Variants in FBXO31 observed in about 807,000 individuals in gnomAD.
The protein encoded by FBXO31 is F-box only protein 31.
A neutral mutation model predicts 54.4 loss-of-function variants in FBXO31; 24 were observed. That is an observed-to-expected ratio of 0.44 (90% CI 0.32 to 0.62). The LOEUF (loss-of-function observed/expected upper bound fraction) is 0.62. Ranked by LOEUF, FBXO31 falls within the 20% of genes least tolerant of loss-of-function variation. The pLI, the probability that FBXO31 is intolerant of heterozygous loss-of-function variation, is 0.05. For missense variants in FBXO31, 665 were observed against 787.1 expected, an observed-to-expected ratio of 0.84 and a Z score of 1.86; for synonymous variants, 388 against 335.6, an observed-to-expected ratio of 1.16 and a Z score of -1.71.
At position 87,349,528 on chromosome 16, in the gene FBXO31, G is replaced by A. The variant is rs190559221; in HGVS notation, c.413-2278C>T. On this transcript the variant is annotated intron_variant, in intron 2 of 8. Coordinates refer to ENST00000311635, the MANE Select transcript of FBXO31 (RefSeq NM_024735.5). ...AGTTCGAGACCAGCCTGGCCAACAT[G>A]GTGAAACCCCGTCTCTACTTAAAAT... Among the ~76,000 whole-genome samples the A allele has an allele frequency of 3.1e-3, 479 of 152,260 alleles. 2 individuals are homozygous for A. Among genetic ancestry groups the A allele is most frequent in the African/African-American group, 0.011 (456 of 41,550 alleles).
chr16:87,351,576 G>C (rs114032880), intron 2 of FBXO31, among the ~76,000 whole-genome samples: 330 of 152,272 alleles, frequency 2.2e-3, no homozygotes, highest in African/African-American at 7.6e-3. Context: ...GAAATAGCAA[G>C]GGATAGGGCT....
chr16:87,350,817 C>T (rs1905620600), intron 2 of FBXO31, among the ~76,000 whole-genome samples: 2 of 152,350 alleles, frequency 1.3e-5, no homozygotes, highest in South Asian at 4.1e-4. Context: ...AATGAGCCTG[C>T]CTCAGACGCC....
chr16:87,342,867 G>C lies in FBXO31; in HGVS notation c.732+10C>G. ...CACCATATGAACACAGGGCCGGCTG[G>C]TGGGCTCACCTCCTGCCTCCCGCCG... On this transcript the variant is annotated intron_variant, in intron 5 of 8. Transcript: ENST00000311635. 1 of 1,593,304 alleles carries C rather than the reference G, an allele frequency of 6.3e-7. No homozygotes were observed.
chr16:87,342,458 C>A (rs1410102519), intron 5 of FBXO31, among the ~76,000 whole-genome samples: 2 of 152,162 alleles, frequency 1.3e-5, no homozygotes, highest in African/African-American at 4.8e-5. Context: ...CAGGCTTCCC[C>A]GCTGCACTGG....
In FBXO31 at chr16:87,346,888, C is replaced by T. The variant is rs868837120; in HGVS notation, c.489+286G>A. On this transcript the variant is annotated intron_variant, in intron 3 of 8. Coordinates refer to ENST00000311635, the MANE Select transcript of FBXO31 (RefSeq NM_024735.5). The surrounding 1 kb of genome is among the most constrained non-coding windows in gnomAD (Gnocchi z 4.2). ...GCTCCAGACCCCGCCAACATGTGCG[C>T]GATGGGCCTCAGCGTCCAGGAAGCA... 7.2e-5 allele frequency among the ~76,000 whole-genome samples: 11 copies of T among 152,198 alleles called. No individual in the cohort carries two copies. Among genetic ancestry groups the T allele is most frequent in the Admixed American group, 2.0e-4 (3 of 15,276 alleles).
rs147888885 is a variant in FBXO31, at chr16:87,345,720, C to G, written c.489+1454G>C. 2.0e-5 allele frequency among the ~76,000 whole-genome samples: 3 copies of G among 152,202 alleles called. No homozygotes were observed. The highest frequency in any genetic ancestry group is 4.4e-5 in the Non-Finnish European group (3 of 68,042). ...ACACATCAGAGAGCAATGAAGGTAG[C>G]CCAGTGACGAGGACCCAAGGCCCTG... On this transcript the variant is annotated intron_variant, in intron 3 of 8. Coordinates refer to ENST00000311635, the MANE Select transcript of FBXO31 (RefSeq NM_024735.5). This position sits in a 1 kb window ranked among gnomAD's most constrained non-coding sequence, Gnocchi z 4.9.
intron 1 of FBXO31, among the ~76,000 whole-genome samples, chr16:87,366,609 G>C (rs1244834661): frequency 6.6e-6 from 1 of 152,190 alleles, no homozygotes; most frequent in African/African-American, 2.4e-5. Flanking sequence ...GAGCAGGACT[G>C]GCTTTCAGGA....
chr16:87,364,809 C>T (rs554635815), intron 1 of FBXO31, among the ~76,000 whole-genome samples: 1 of 151,052 alleles, frequency 6.6e-6, no homozygotes, highest in African/African-American at 2.4e-5. Flanking sequence ...ATTACCTGAG[C>T]TCAGGAGTTA....
rs763695860 is a variant in FBXO31, at chr16:87,334,187, G to C, written c.1096C>G (p.Leu366Val). Residue 366 changes from leucine to valine, a missense_variant, in exon 8 of 9, where the codon CTC becomes GTC. Physicochemically the swap from Leu to Val is conservative, Grantham distance 32. Coordinates refer to ENST00000311635, the MANE Select transcript of FBXO31 (RefSeq NM_024735.5). ...CGCACCTCCAGGACGATGCGGGAGA[G>C]CTCATTGAAGTTGCGCTGGTTCTCG... is the stretch of plus-strand genomic sequence containing the variant. ...DLENQRNFNE[L>V]SRIVLEVRER... The C allele has an allele frequency of 1.2e-6, 2 of 1,612,694 alleles. No homozygotes were observed. The highest frequency in any genetic ancestry group is 1.7e-6 in the Non-Finnish European group (2 of 1,179,746).
rs376006383 is a variant in FBXO31 at position 87,341,443 on chromosome 16, G to A, written c.732+1434C>T. ...GGCCGAGATGGGTGGATCGCCTGAG[G>A]TCAGGAGTTCGAGACCAGCCTGGCC... On this transcript the variant is annotated intron_variant, in intron 5 of 8. Transcript: ENST00000311635. 1.7e-4 allele frequency among the ~76,000 whole-genome samples: 26 copies of A among 151,874 alleles called. No homozygotes were observed. In the East Asian group the frequency reaches 3.7e-3, roughly 22 times the overall value.
chr16:87,384,432 C>A (rs536176185), upstream of FBXO31, among the ~76,000 whole-genome samples: 2 of 152,152 alleles, frequency 1.3e-5, no homozygotes, highest in Admixed American at 1.3e-4. Context: ...CCCAAGAGAT[C>A]CGGGGATGCG....
intron 1 of FBXO31, among the ~76,000 whole-genome samples, chr16:87,366,187 G>T (rs929421556): frequency 6.6e-6 from 1 of 152,122 alleles, no homozygotes; most frequent in Non-Finnish European, 1.5e-5. Flanking sequence ...TGAAAACTGC[G>T]GAAATCTGAA....
chr16:87,351,233 A>T (rs1240053290), intron 2 of FBXO31, among the ~76,000 whole-genome samples: 1 of 152,212 alleles, frequency 6.6e-6, no homozygotes, highest in African/African-American at 2.4e-5. Context: ...GAATCCATGG[A>T]TTTCAATAGG....
chr16:87,342,041 G>A (rs142200272), intron 5 of FBXO31, among the ~76,000 whole-genome samples: 122 of 152,218 alleles, frequency 8.0e-4, no homozygotes, highest in African/African-American at 2.9e-3. Flanking sequence ...GCATAACCCC[G>A]TAGCATGGTA....
chr16:87,362,858 G>C (rs563184904), intron 1 of FBXO31, among the ~76,000 whole-genome samples: 7 of 152,196 alleles, frequency 4.6e-5, no homozygotes, highest in Non-Finnish European at 8.8e-5. Flanking sequence ...TGCATGGCCA[G>C]AGTTTAAACA....
rs1905386935 is a variant in FBXO31, at chr16:87,346,348, G to A, written c.489+826C>T. Among the ~76,000 whole-genome samples, 1 of 152,204 alleles carries A rather than the reference G, an allele frequency of 6.6e-6. No homozygotes were observed. Among genetic ancestry groups the A allele is most frequent in the Non-Finnish European group, 1.5e-5 (1 of 68,026 alleles). On this transcript the variant is annotated intron_variant, in intron 3 of 8. Coordinates refer to ENST00000311635, the MANE Select transcript of FBXO31 (RefSeq NM_024735.5). The surrounding 1 kb of genome is among the most constrained non-coding windows in gnomAD (Gnocchi z 4.2). ...GTGGGGGGCATCCAACACGCCTGGA[G>A]ATCAGGAGAAAAGGCGGGGGCTAGA...
Position 87,383,369 on chromosome 16 carries a change from C to A in FBXO31, c.340+36G>T. 1 of 1,445,988 alleles carries A rather than the reference C, an allele frequency of 6.9e-7. No individual in the cohort carries two copies. Among genetic ancestry groups the A allele is most frequent in the South Asian group, 1.2e-5 (1 of 80,556 alleles). The allele number at this position is 1,445,988 out of a possible 1,614,324, so 89.6% of individuals were successfully genotyped here. ...GAGGCCTCCACCTGGCAGGGACCCC[C>A]CGCCCCTCCCGGCCCCGCCACCCCC... is the stretch of plus-strand genomic sequence containing the variant. On this transcript the variant is annotated intron_variant, in intron 1 of 8. Transcript: ENST00000311635. This position sits in a 1 kb window ranked among gnomAD's most constrained non-coding sequence, Gnocchi z 4.9.
In FBXO31 at chr16:87,377,389, T is replaced by A. The variant is rs76508098; in HGVS notation, c.340+6016A>T. Among the ~76,000 whole-genome samples the A allele has an allele frequency of 9.1e-3, 1,386 of 152,144 alleles. 26 individuals are homozygous for A. The highest frequency in any genetic ancestry group is 0.032 in the African/African-American group (1,325 of 41,488). On this transcript the variant is annotated intron_variant, in intron 1 of 8. Transcript: ENST00000311635. ...TACGCCGGAGAAGTCAAGGCCACAGTGAGCCATAATAGCGCCACTACACTC... is the reference window on the plus strand; with the variant it reads ...TACGCCGGAGAAGTCAAGGCCACAGAGAGCCATAATAGCGCCACTACACTC...
rs543454461 is a variant in FBXO31 at position 87,352,142 on chromosome 16, G to A, written c.413-4892C>T. Among the ~76,000 whole-genome samples, 20 of 152,282 alleles carry A rather than the reference G, an allele frequency of 1.3e-4. No individual in the cohort carries two copies. The South Asian group carries it at 3.5e-3, about 27-fold the overall frequency. Reference sequence around the variant, plus strand: ...TAATCATTCCACAACATACACAGATGCCAACACATCACACTGTGCCCCATA... The same window carrying A: ...TAATCATTCCACAACATACACAGATACCAACACATCACACTGTGCCCCATA... On this transcript the variant is annotated intron_variant, in intron 2 of 8. Coordinates refer to ENST00000311635, the MANE Select transcript of FBXO31 (RefSeq NM_024735.5).
Sources: allele counts gnomAD v4.1 joint callset (sites outside exome capture counted in the v4.1 genomes callset), GRCh38; gene constraint gnomAD v4.1.1; non-coding constraint Gnocchi (gnomAD v3.1); transcripts MANE v1.5; gene names NCBI Gene and HGNC (gene_info 2026-07-23, HGNC 2026-07-21).